IFNG-AS1: variants seen among roughly 807,000 people sequenced by gnomAD.
IFNG-AS1 encodes the protein IFNG antisense RNA 1 (non-protein coding).
intron 2 of IFNG-AS1, among the ~76,000 whole-genome samples, chr12:68,003,394 C>T (rs1879818960): frequency 6.7e-6 from 1 of 149,674 alleles, no homozygotes; most frequent in African/African-American, 2.4e-5. Flanking sequence ...AACCTGAGTT[C>T]ATAGTTCATA....
chr12:68,018,711 T>C (rs896336200), intron 3 of IFNG-AS1, among the ~76,000 whole-genome samples: 2 of 152,152 alleles, frequency 1.3e-5, no homozygotes, highest in East Asian at 3.9e-4. Context: ...GTATGTGCTG[T>C]ATTAACAGGC....
chr12:67,993,615 T>G (rs1305733804), intron 1 of IFNG-AS1, among the ~76,000 whole-genome samples: 1 of 152,200 alleles, frequency 6.6e-6, no homozygotes, highest in Non-Finnish European at 1.5e-5. Flanking sequence ...ATTAAACACT[T>G]AAAAATATAT....
chr12:67,993,124 T>C (rs990881630), intron 1 of IFNG-AS1, among the ~76,000 whole-genome samples: 3 of 152,262 alleles, frequency 2.0e-5, no homozygotes, highest in Non-Finnish European at 2.9e-5. Flanking sequence ...AAATCTCTGA[T>C]AAGCATCAAG....
chr12:67,999,055 T>A (rs1318363944), intron 2 of IFNG-AS1, among the ~76,000 whole-genome samples: 1 of 152,124 alleles, frequency 6.6e-6, no homozygotes, highest in Admixed American at 6.6e-5. Flanking sequence ...ACTGTAATAC[T>A]GGACTGAAAT....
intron 2 of IFNG-AS1, among the ~76,000 whole-genome samples, chr12:68,001,240 C>T: frequency 6.6e-6 from 1 of 152,040 alleles, no homozygotes; most frequent in East Asian, 1.9e-4. Context: ...GTTACTGAAC[C>T]AACCTAGTGC....
intron 2 of IFNG-AS1, chr12:68,001,470 TC>T: frequency 4.0e-6 from 1 of 252,922 alleles, no homozygotes. Context: ...TTCATCTGAT[TC>T]CACTAGGGAA....
chr12:67,991,229 A>G (rs568279095), intron 1 of IFNG-AS1, among the ~76,000 whole-genome samples: 148 of 152,336 alleles, frequency 9.7e-4, no homozygotes, highest in African/African-American at 3.4e-3. Flanking sequence ...TCCTAGCTTT[A>G]AAGTGTATTG....
At chr12:68,008,394 C>T (rs1001415341) in intron 3 of IFNG-AS1, among the ~76,000 whole-genome samples, 7 of 140,468 alleles carry the variant, frequency 5.0e-5, no homozygotes, top group South Asian at 2.3e-4. Flanking sequence ...CCAGCCTGGG[C>T]GACAGCACGA....
chr12:67,990,004 G>A (rs1007249481), intron 1 of IFNG-AS1, among the ~76,000 whole-genome samples: 2 of 152,138 alleles, frequency 1.3e-5, no homozygotes, highest in African/African-American at 2.4e-5. Context: ...TGCCATGGGC[G>A]CCGTACTCAG....
chr12:68,014,021 A>G (rs1289535961), intron 3 of IFNG-AS1, among the ~76,000 whole-genome samples: 1 of 152,132 alleles, frequency 6.6e-6, no homozygotes, highest in Non-Finnish European at 1.5e-5. Context: ...GCTCCCACAT[A>G]TCAGGGAGAA....
chr12:68,005,973 T>A (rs1879896373), intron 2 of IFNG-AS1: 1 of 152,234 alleles, frequency 6.6e-6, no homozygotes. Flanking sequence ...GGGTTACTGA[T>A]CAATGAATTC....
rs200135566 is a variant in IFNG-AS1 at position 68,003,424 on chromosome 12, C to T, written n.185-2666C>T. On this transcript the variant is annotated intron_variant and non_coding_transcript_variant, in intron 2 of 5. Coordinates refer to ENST00000536914, the Ensembl canonical transcript of IFNG-AS1. The stretch of plus-strand genomic sequence containing the variant: ...TTCATAGAAGCTAATCATATTCCCC[C>T]CTTTTTTTTTTTTTTTGCATTGAGC... Among the ~76,000 whole-genome samples the T allele has an allele frequency of 7.3e-3, 1,003 of 136,492 alleles. 11 individuals are homozygous for T. Among genetic ancestry groups the T allele is most frequent in the African/African-American group, 0.026 (892 of 33,934 alleles). 89.5% of individuals were successfully genotyped at this position (136,492 alleles called of 152,430 possible).
chr12:68,016,748 T>C (rs1200625629), intron 3 of IFNG-AS1, among the ~76,000 whole-genome samples: 1 of 152,176 alleles, frequency 6.6e-6, no homozygotes, highest in East Asian at 1.9e-4. Flanking sequence ...TTCCACCATT[T>C]AAGTGAAATC....
chr12:68,015,387 C>G (rs1179505420), intron 3 of IFNG-AS1, among the ~76,000 whole-genome samples: 1 of 152,176 alleles, frequency 6.6e-6, no homozygotes, highest in Non-Finnish European at 1.5e-5. Context: ...AGGGCCGAGA[C>G]AAGATCCCAG....
At chr12:68,021,097 C>T (rs1336517346) in intron 4 of IFNG-AS1, 1 of 152,096 alleles carries the variant, frequency 6.6e-6, no homozygotes, top group East Asian at 1.9e-4. Context: ...ACTGATCATC[C>T]TCAGCAATCA....
intron 3 of IFNG-AS1, among the ~76,000 whole-genome samples, chr12:68,018,787 T>TA (rs5798890): frequency 0.89 from 130,043 of 145,612 alleles, 57,930 homozygotes; most frequent in South Asian, 0.98. Flanking sequence ...TATATATATA[T>TA]TTTTTTTTAT....
chr12:68,003,844 T>C (rs754771025), intron 2 of IFNG-AS1, among the ~76,000 whole-genome samples: 76 of 151,542 alleles, frequency 5.0e-4, no homozygotes, highest in Non-Finnish European at 8.8e-4. Context: ...GAGGCGGAGC[T>C]TGCAGTGAAC....
At chr12:68,016,621 T>C (rs967144892) in intron 3 of IFNG-AS1, among the ~76,000 whole-genome samples, 2 of 152,212 alleles carry the variant, frequency 1.3e-5, no homozygotes, top group Non-Finnish European at 2.9e-5. Flanking sequence ...GTTCAGAGTC[T>C]GGCACTTAGT....
chr12:67,990,064 C>T (rs574879200), intron 1 of IFNG-AS1, among the ~76,000 whole-genome samples: 36 of 152,270 alleles, frequency 2.4e-4, no homozygotes, highest in African/African-American at 8.4e-4. Context: ...TGCCATGTCA[C>T]ATATCATAGG....
Sources: allele counts gnomAD v4.1 joint callset (sites outside exome capture counted in the v4.1 genomes callset), GRCh38; gene constraint gnomAD v4.1.1; transcripts MANE v1.5; gene names NCBI Gene and HGNC (gene_info 2026-07-23, HGNC 2026-07-21).